The following KRI1 variants were observed in gnomAD, a reference collection of about 807,000 sequenced individuals.
KRI1 encodes protein KRI1 homolog.
KRI1 carries 83 observed loss-of-function variants against 97.0 expected under a neutral mutation model. The ratio of observed to expected loss-of-function variants is 0.86; its 90% CI spans 0.72 to 1.03. The LOEUF (loss-of-function observed/expected upper bound fraction) is 1.03. Among genes scored for constraint, KRI1 ranks in the 50% least tolerant of loss-of-function variants. The pLI is 0.00. For missense variants in KRI1, 916 were observed against 928.4 expected (o/e 0.99, Z 0.17); for synonymous variants, 371 against 363.5 (o/e 1.02, Z -0.23).
rs1163429800 is a variant in KRI1 at position 10,561,828 on chromosome 19, T to G, written c.401A>C (p.Glu134Ala). 1 of 1,613,922 alleles carries G rather than the reference T, an allele frequency of 6.2e-7. No individual in the cohort carries two copies. The highest frequency in any genetic ancestry group is 1.7e-5 in the Admixed American group (1 of 59,996). Residue 134 changes from glutamate (E) to alanine (A), a missense_variant, in exon 5 of 19, where the codon GAG (glutamate) becomes GCG (alanine). Coordinates refer to ENST00000312962, the MANE Select transcript of KRI1 (RefSeq NM_023008.5). The part of the protein sequence containing the change: ...LEKAGKYVDE[E>A]NSDGETSNHR... ...ATTGGAAGTCTCCCCGTCTGAGTTCTCCTCATCAACATATTTGCTGTAAAG... is the reference window on the plus strand; with the variant it reads ...ATTGGAAGTCTCCCCGTCTGAGTTCGCCTCATCAACATATTTGCTGTAAAG...
intron 8 of KRI1, 123 bp from the exon 9 acceptor site, chr19:10,560,571 T>C (rs918755320): frequency 6.5e-5 from 45 of 691,322 alleles, no homozygotes; most frequent in African/African-American, 1.4e-4. Context: ...TTTTGGTTTC[T>C]TATTTTTATT....
intron 9 of KRI1, 145 bp downstream of exon 9, chr19:10,560,167 G>T: frequency 7.3e-7 from 1 of 1,375,068 alleles, no homozygotes; most frequent in Non-Finnish European, 9.6e-7. Flanking sequence ...TATACTCTGT[G>T]GCTCTGCCTT....
chr19:10,565,238 A>G (rs1458741752), intron 2 of KRI1: 3 of 590,014 alleles, frequency 5.1e-6, no homozygotes, highest in Non-Finnish European at 9.0e-6. Flanking sequence ...GGATATGGGT[A>G]GAGGAAGGTG....
In KRI1 at chr19:10,561,674, T is replaced by C. The variant is rs138048536; in HGVS notation, c.481A>G (p.Lys161Glu). ...CCGCCCACCCAGCCTCACCTTTCCT[T>C]GAGCTGTTTCTGTTCCTCCACATAA... ...QSYVEEQKQL[K>E]ESFRAFVEDS... The change falls in exon 6 of 19, where the codon AAG (lysine) becomes GAG (glutamate). Residue 161 changes from lysine to glutamate, a missense_variant. Transcript: ENST00000312962. 1.4e-4 allele frequency: 232 copies of C among 1,605,926 alleles called. 1 individual carries two copies. The highest frequency in any genetic ancestry group is 1.8e-4 in the Non-Finnish European group (214 of 1,172,976).
At chr19:10,559,778 G>A (rs766019812) in intron 10 of KRI1, 32 bp downstream of exon 10, 1 of 1,613,560 alleles carries the variant, frequency 6.2e-7, no homozygotes, top group South Asian at 1.1e-5. Context: ...TGAACCCTGG[G>A]GGCTGAGTCC....
chr19:10,553,303 C>G lies in KRI1; in HGVS notation c.*648G>C, dbSNP rs546576171. On this transcript the variant is annotated 3_prime_UTR_variant, in exon 19 of 19. Transcript: ENST00000312962. ...TAGGGAAGGAGGACCCCGGGCACCC[C>G]CCTCAGGGCCTGACTCACGTACTGT... is the stretch of plus-strand genomic sequence containing the variant. 16 of 523,516 alleles carry G rather than the reference C, an allele frequency of 3.1e-5. No homozygotes were observed. The highest frequency in any genetic ancestry group is 5.3e-4 in the Middle Eastern group (1 of 1,870). The allele number at this position is 523,516 out of a possible 1,614,324, so 32.4% of individuals were successfully genotyped here.
Position 10,560,300 on chromosome 19 carries a change from G to C in KRI1, c.800+12C>G. 1 of 1,595,920 alleles carries C rather than the reference G, an allele frequency of 6.3e-7. No individual in the cohort carries two copies. Among genetic ancestry groups the C allele is most frequent in the East Asian group, 2.2e-5 (1 of 44,700 alleles). On this transcript the variant is annotated intron_variant, in intron 9 of 18. Transcript: ENST00000312962. ...CCCAAAATCTAGGTCCTGGGGAGAT[G>C]CAGTGGCTCACCCCTCCTCTTCCTC... is the stretch of plus-strand genomic sequence containing the variant.
rs775642638 is a variant in KRI1, at chr19:10,557,996, C to T, written c.1335G>A (p.Leu445=). ...CGTTGAAGTTGGGGTCCTCACAGTG[C>T]AGCTCCTGCTGGCTCCAGTCTCCCT... ...EQEGDWSQQE[L]HCEDPNFNMD... Residue 445 remains leucine (L), a synonymous_variant, in exon 14 of 19, where the codon CTG becomes CTA. Transcript: ENST00000312962. 1.1e-5 allele frequency: 17 copies of T among 1,613,978 alleles called. No homozygotes were observed. The highest frequency in any genetic ancestry group is 1.4e-5 in the Non-Finnish European group (16 of 1,180,020).
chr19:10,554,779 A>G (rs766644352), intron 18 of KRI1, among the ~76,000 whole-genome samples: 9 of 152,156 alleles, frequency 5.9e-5, no homozygotes, highest in Non-Finnish European at 1.0e-4. Context: ...AGCAATCCTA[A>G]TAACAGCTAA....
rs779858576 is a variant in KRI1, at chr19:10,555,208, T to C, written c.1683-23A>G. ...GACCTGCAGACAGATGCCCCTGTGTTGGGTGCTCTGGGAAGTGCCCGAGGC... is the reference window on the plus strand; with the variant it reads ...GACCTGCAGACAGATGCCCCTGTGTCGGGTGCTCTGGGAAGTGCCCGAGGC... On this transcript the variant is annotated intron_variant, in intron 17 of 18. Coordinates refer to ENST00000312962, the MANE Select transcript of KRI1 (RefSeq NM_023008.5). 5.6e-6 allele frequency: 9 copies of C among 1,613,728 alleles called. No individual in the cohort carries two copies. In the East Asian group the frequency reaches 8.9e-5, roughly 16 times the overall value.
Position 10,554,161 on chromosome 19 carries a change from C to A in KRI1, c.1902G>T (p.Glu634Asp). 3 of 1,614,022 alleles carry A rather than the reference C, an allele frequency of 1.9e-6. No homozygotes were observed. The South Asian group carries it at 3.3e-5, about 18-fold the overall frequency. The change falls in exon 19 of 19, where the codon GAG becomes GAT. Residue 634 changes from glutamate to aspartate, a missense_variant. Physicochemically the swap from Glu to Asp is conservative, Grantham distance 45. This residue lies in a region of KRI1 where 672 missense variants were observed against 667.2 expected (regional missense o/e 1.01). Transcript: ENST00000312962. Reference sequence around the variant, plus strand: ...TCTTGTGGGGTGATACAGGGGCTTCCTCTTCCTGTGCTGGGGGACTCTCCG... The same window carrying A: ...TCTTGTGGGGTGATACAGGGGCTTCATCTTCCTGTGCTGGGGGACTCTCCG... ...MGPESPPAQEEEAPVSPHKKP... is the reference protein window; with the variant it reads ...MGPESPPAQEDEAPVSPHKKP...
Position 10,557,828 on chromosome 19 carries a change from T to C in KRI1, c.1427A>G (p.Lys476Arg). ...CGCGGCGAAGGGCGACTTGCGCTTC[T>C]TCTTGCCCGTCAAGGGGGCCTCGCG... Reference protein sequence around the residue: ...KKREAPLTGKKKRKSPFAAAV... With the variant: ...KKREAPLTGKRKRKSPFAAAV... The change falls in exon 15 of 19, where the codon AAG becomes AGG. Residue 476 changes from lysine (K) to arginine (R), a missense_variant. Physicochemically the swap from Lys to Arg is conservative, Grantham distance 26 (BLOSUM62 2). Around this residue, in one of 3 missense-constraint regions of KRI1, gnomAD observed 672 missense variants for 667.2 expected, o/e 1.01. Coordinates refer to ENST00000312962, the MANE Select transcript of KRI1 (RefSeq NM_023008.5). 1.9e-6 allele frequency: 3 copies of C among 1,613,570 alleles called. No individual in the cohort carries two copies. Among genetic ancestry groups the C allele is most frequent in the African/African-American group, 1.3e-5 (1 of 75,078 alleles).
chr19:10,554,718 C>T (rs760900805), intron 18 of KRI1, among the ~76,000 whole-genome samples: 1 of 152,084 alleles, frequency 6.6e-6, no homozygotes, highest in Non-Finnish European at 1.5e-5. Context: ...CTCATTTTAG[C>T]TCTAAATAAA....
intron 1 of KRI1, 36 bp from the exon 2 acceptor site, chr19:10,565,826 A>G: frequency 6.5e-7 from 1 of 1,537,974 alleles, no homozygotes; most frequent in South Asian, 1.2e-5. Flanking sequence ...CCCCCAGGTC[A>G]GCCGGCGGGG....
Position 10,561,054 on chromosome 19 carries a change from C to G in KRI1, c.612G>C (p.Glu204Asp). 6.2e-7 allele frequency: 1 copy of G among 1,614,206 alleles called. No homozygotes were observed. The highest frequency in any genetic ancestry group is 1.3e-5 in the African/African-American group (1 of 75,046). The change falls in exon 8 of 19, where the codon GAG becomes GAC. Residue 204 changes from glutamate (E) to aspartate (D), a missense_variant. Coordinates refer to ENST00000312962, the MANE Select transcript of KRI1 (RefSeq NM_023008.5). Reference sequence around the variant, plus strand: ...GAATCTCTTTCTGTCCCTTCAGCCACTCGATGTAGTCGGCCTCCTCCTGGG... The same window carrying G: ...GAATCTCTTTCTGTCCCTTCAGCCAGTCGATGTAGTCGGCCTCCTCCTGGG... ...EKAQEEADYI[E>D]WLKGQKEIRN...
Position 10,553,716 on chromosome 19 carries a change from C to T in KRI1, c.*235G>A. On this transcript the variant is annotated 3_prime_UTR_variant, in exon 19 of 19. Coordinates refer to ENST00000312962, the MANE Select transcript of KRI1 (RefSeq NM_023008.5). ...CCAGCCTCCTGAGTAGCTGGGACTA[C>T]AGGCATGTGTCACCACATTTTGTAG... The T allele has an allele frequency of 4.0e-6, 2 of 496,002 alleles. No homozygotes were observed. Among genetic ancestry groups the T allele is most frequent in the Non-Finnish European group, 7.1e-6 (2 of 280,966 alleles). The allele number at this position is 496,002 out of a possible 1,614,324, so 30.7% of individuals were successfully genotyped here. A position where few individuals can be genotyped will look rare whatever the true frequency, so the allele number is the denominator to read the frequency against.
rs774118816 is a variant in KRI1, at chr19:10,554,176, G to A, written c.1887C>T (p.Pro629=). The change falls in exon 19 of 19, where the codon CCC becomes CCT. Residue 629 remains proline (P), a synonymous_variant. Transcript: ENST00000312962. ...CAGGGGCTTCCTCTTCCTGTGCTGG[G>A]GGACTCTCCGGCCCCATCAAGCTGC... ...LDGSLMGPES[P]PAQEEEAPVS... The A allele has an allele frequency of 3.7e-6, 6 of 1,613,728 alleles. No homozygotes were observed. Among genetic ancestry groups the A allele is most frequent in the South Asian group, 1.1e-5 (1 of 91,076 alleles).
Position 10,554,239 on chromosome 19 carries a change from A to ATCT in KRI1, c.1821_1823dup (p.Arg607_Asp608insGlu). On this transcript the variant is annotated inframe_insertion, in exon 19 of 19. Coordinates refer to ENST00000312962, the MANE Select transcript of KRI1 (RefSeq NM_023008.5). ...GCAGCTGCCTCTGTGGGCCGGCTTCATCTCTCTGTGGCTTCCCTGTGGCTT... is the reference window on the plus strand; with the variant it reads ...GCAGCTGCCTCTGTGGGCCGGCTTCATCTTCTCTCTGTGGCTTCCCTGTGGCTT... 1 of 1,613,760 alleles carries ATCT rather than the reference A, an allele frequency of 6.2e-7. No individual in the cohort carries two copies.
At position 10,565,979 on chromosome 19, in the gene KRI1, C is replaced by T; in HGVS notation, c.21G>A (p.Ser7=). The change falls in exon 1 of 19, where the codon TCG becomes TCA. Residue 7 remains serine, a synonymous_variant. Transcript: ENST00000312962. ...ACGCCGCGTTCACCCGCAGCTGCGA[C>T]GACCCGCGCGGTTCCGGCATGGCGG... MPEPRG[S]SQLRVNAAFA... 2 of 1,523,640 alleles carry T rather than the reference C, an allele frequency of 1.3e-6. No individual in the cohort carries two copies. The highest frequency in any genetic ancestry group is 1.8e-6 in the Non-Finnish European group (2 of 1,140,034). The allele number at this position is 1,523,640 out of a possible 1,614,324, so 94.4% of individuals were successfully genotyped here. A position where few individuals can be genotyped will look rare whatever the true frequency, so the allele number is the denominator to read the frequency against.
Sources: gnomAD v4.1 joint callset for allele counts (sites outside exome capture counted in the v4.1 genomes callset) on GRCh38, gnomAD v4.1.1 for gene constraint, gnomAD v4.1.1 regional missense constraint, MANE v1.5 for transcripts, NCBI Gene and HGNC (gene_info 2026-07-23, HGNC 2026-07-21) for gene names.